Variants in MAPRE3 observed in about 807,000 individuals in gnomAD.
MAPRE3 encodes microtubule-associated protein RP/EB family member 3.
MAPRE3 carries 2 observed loss-of-function variants against 30.5 expected under a neutral mutation model. That is an observed-to-expected ratio of 0.07 (90% CI 0.03 to 0.21). MAPRE3 has a LOEUF of 0.21. Among genes scored for constraint, MAPRE3 ranks in the 10% least tolerant of loss-of-function variants. MAPRE3 has a pLI of 1.00. For synonymous variants in MAPRE3, 110 were observed against 127.7 expected (o/e 0.86, Z 0.93); for missense variants, 204 against 351.8 (o/e 0.58, Z 3.36).
At chr2:26,976,237 C>G (rs1666011582) in intron 1 of MAPRE3, among the ~76,000 whole-genome samples, 1 of 152,198 alleles carries the variant, frequency 6.6e-6, no homozygotes, top group African/African-American at 2.4e-5. Context: ...TACTGGTAAA[C>G]TCTGATAAAA....
chr2:26,978,983 A>G (rs1234792548), intron 1 of MAPRE3, among the ~76,000 whole-genome samples: 2 of 152,244 alleles, frequency 1.3e-5, no homozygotes, highest in Admixed American at 6.5e-5. Context: ...TATTCTGGCA[A>G]AAGAGTTGGA....
chr2:26,974,650 G>T (rs1665982066), intron 1 of MAPRE3, among the ~76,000 whole-genome samples: 1 of 152,190 alleles, frequency 6.6e-6, no homozygotes, highest in South Asian at 2.1e-4. Context: ...CCTGACCTCT[G>T]GAAGCAGGCA....
chr2:27,003,040 T>A (rs1173252579), intron 1 of MAPRE3: 1 of 152,268 alleles, frequency 6.6e-6, no homozygotes, highest in East Asian at 1.9e-4. Flanking sequence ...TAAGCTGCTT[T>A]TGAGACGTAC....
intron 1 of MAPRE3, among the ~76,000 whole-genome samples, chr2:26,974,240 G>T (rs555742810): frequency 6.6e-6 from 1 of 152,160 alleles, no homozygotes; most frequent in African/African-American, 2.4e-5. Context: ...TTAGTAGTCC[G>T]TAATTAGCCC....
intron 5 of MAPRE3, 44 bp from the exon 6 acceptor site, chr2:27,025,836 G>C (rs767615266): frequency 1.9e-6 from 3 of 1,613,750 alleles, no homozygotes; most frequent in African/African-American, 2.7e-5. Flanking sequence ...AGGGGAACCT[G>C]AGGTGGGGAC....
intron 1 of MAPRE3, among the ~76,000 whole-genome samples, chr2:27,020,579 G>T (rs552498174): frequency 4.6e-4 from 70 of 152,332 alleles, no homozygotes; most frequent in Non-Finnish European, 8.2e-4. Context: ...TCCAACTGCT[G>T]GTTTCAGTGC....
intron 1 of MAPRE3, among the ~76,000 whole-genome samples, chr2:26,978,664 AC>A (rs755372875): frequency 2.0e-5 from 3 of 152,208 alleles, no homozygotes; most frequent in Non-Finnish European, 4.4e-5. Context: ...GACTTCTATT[AC>A]CCCAAAAGTA....
intron 4 of MAPRE3, 81 bp downstream of exon 4, chr2:27,024,378 G>C (rs1432982676): frequency 2.3e-6 from 3 of 1,306,922 alleles, no homozygotes; most frequent in East Asian, 4.9e-5. Context: ...CCTGGGCCAC[G>C]GCCCGGCCCT....
At chr2:27,016,317 C>T (rs940934732) in intron 1 of MAPRE3, among the ~76,000 whole-genome samples, 2 of 151,800 alleles carry the variant, frequency 1.3e-5, no homozygotes, top group Non-Finnish European at 2.9e-5. Context: ...ACCATTCTCT[C>T]CGGGGAGGTG....
intron 4 of MAPRE3, 85 bp downstream of exon 4, chr2:27,024,382 C>G (rs533414061): frequency 7.9e-7 from 1 of 1,260,916 alleles, no homozygotes; most frequent in African/African-American, 1.5e-5. Context: ...GGCCACGGCC[C>G]GGCCCTGCCA....
rs1384264915 is a variant in MAPRE3 at position 27,022,299 on chromosome 2, C to T, written c.81C>T (p.Ser27=). ...ATATGCTTGCATGGGTCAACGACTC[C>T]CTGCACCTCAACTATACCAAGATAG... ...RHDMLAWVND[S]LHLNYTKIEQ... Residue 27 remains serine (S), a synonymous_variant, in exon 2 of 7, where the codon TCC becomes TCT. Coordinates refer to ENST00000233121, the MANE Select transcript of MAPRE3 (RefSeq NM_012326.4). The T allele has an allele frequency of 6.2e-7, 1 of 1,614,136 alleles. No individual in the cohort carries two copies. Among genetic ancestry groups the T allele is most frequent in the South Asian group, 1.1e-5 (1 of 91,080 alleles).
chr2:26,998,290 C>T (rs776029108), intron 1 of MAPRE3, among the ~76,000 whole-genome samples: 1 of 152,146 alleles, frequency 6.6e-6, no homozygotes, highest in Non-Finnish European at 1.5e-5. Flanking sequence ...CTTGGCTGAC[C>T]GAGATTGGAG....
At chr2:27,010,197 A>G (rs1170008072) in intron 1 of MAPRE3, among the ~76,000 whole-genome samples, 1 of 152,256 alleles carries the variant, frequency 6.6e-6, no homozygotes, top group Non-Finnish European at 1.5e-5. Flanking sequence ...AAGTTAATCA[A>G]TATGTACAAC....
At chr2:27,025,469 T>G (rs1572776644) in intron 4 of MAPRE3, 114 bp from the exon 5 acceptor site, 2 of 1,076,908 alleles carry the variant, frequency 1.9e-6, no homozygotes, top group South Asian at 1.6e-5. Flanking sequence ...GGCAGGGGGG[T>G]GAGAGTGCCT....
chr2:26,982,198 T>G (rs540082039), intron 1 of MAPRE3, among the ~76,000 whole-genome samples: 38 of 152,222 alleles, frequency 2.5e-4, no homozygotes, highest in Non-Finnish European at 4.3e-4. Context: ...TCATTCACTT[T>G]GACTCTGACC....
intron 1 of MAPRE3, among the ~76,000 whole-genome samples, chr2:26,997,353 T>G (rs1666485330): frequency 6.6e-6 from 1 of 152,068 alleles, no homozygotes; most frequent in Admixed American, 6.6e-5. Flanking sequence ...ACATGGAGTT[T>G]TTTTGTGATT....
At chr2:26,987,769 C>T (rs1484711940) in intron 1 of MAPRE3, among the ~76,000 whole-genome samples, 1 of 152,140 alleles carries the variant, frequency 6.6e-6, no homozygotes, top group African/African-American at 2.4e-5. Flanking sequence ...TGTTTGTGTT[C>T]CTAACCACCC....
intron 1 of MAPRE3, among the ~76,000 whole-genome samples, chr2:27,016,381 CT>C (rs567480969): frequency 0.077 from 9,434 of 123,008 alleles, 456 homozygotes; most frequent in Non-Finnish European, 0.12. Context: ...CAGGTTATGT[CT>C]TTTTTTTTTT....
At position 26,977,394 on chromosome 2, in the gene MAPRE3, T is replaced by A. The variant is rs1305687693; in HGVS notation, c.-8+6592T>A. On this transcript the variant is annotated intron_variant, in intron 1 of 6. Transcript: ENST00000233121. ...AGTAAAACCTTGTATACCACAGGGC[T>A]CTGTTTTGGGTGGCCTTCTTTTCCC... Among the ~76,000 whole-genome samples, 4 of 152,192 alleles carry A rather than the reference T, an allele frequency of 2.6e-5. No individual in the cohort carries two copies. In the East Asian group the frequency reaches 7.7e-4, roughly 29 times the overall value.
Sources: allele counts gnomAD v4.1 joint callset (sites outside exome capture counted in the v4.1 genomes callset), GRCh38; gene constraint gnomAD v4.1.1; transcripts MANE v1.5; gene names NCBI Gene and HGNC (gene_info 2026-07-23, HGNC 2026-07-21).